Variants in ASMTL observed in about 807,000 individuals in gnomAD.
ASMTL encodes the protein acetylserotonin O-methyltransferase like, also known as probable bifunctional dTTP/UTP pyrophosphatase/methyltransferase protein.
Under a neutral mutation model 60.3 loss-of-function variants are expected in ASMTL, and 57 were observed. That is an observed-to-expected ratio of 0.95 (90% CI 0.76 to 1.18). The LOEUF (loss-of-function observed/expected upper bound fraction) is 1.18. Among genes scored for constraint, ASMTL ranks in the 50% most tolerant of loss-of-function variants. The probability of loss-of-function intolerance (pLI) is 0.00; values close to 1 mark genes in which losing one functional copy is unlikely to be tolerated. For missense variants in ASMTL, 981 were observed against 852.6 expected (o/e 1.15, Z -1.88); for synonymous variants, 419 against 373.0 (o/e 1.12, Z -1.42).
intron 3 of ASMTL, 111 bp from the exon 4 acceptor site, chrX:1,435,869 ACGTCCTGAGAGT>A (rs1159378451): frequency 1.1e-6 from 1 of 927,284 alleles, no homozygotes; most frequent in East Asian, 2.5e-5. Context: ...TGAAGCTGAC[ACGTCCTGAGAGT>A]CGCCATTTCA....
At position 1,427,766 on chromosome X, in the gene ASMTL, G is replaced by A; in HGVS notation, c.865C>T (p.Leu289=). ...AGCATAAAGCCCTCAATCAGCTCCAGGAGGCGTGTCGGGAACGGAGGCAGG... is the reference window on the plus strand; with the variant it reads ...AGCATAAAGCCCTCAATCAGCTCCAAGAGGCGTGTCGGGAACGGAGGCAGG... ...ETLPPFPTRL[L]ELIEGFMLSK... is the part of the protein sequence containing the mutation. Residue 289 remains leucine, a synonymous_variant, in exon 7 of 13, where the codon CTG becomes TTG. Transcript: ENST00000381317. 2 of 1,612,784 alleles carry A rather than the reference G, an allele frequency of 1.2e-6. No homozygotes were observed. The highest frequency in any genetic ancestry group is 2.2e-5 in the East Asian group (1 of 44,862).
intron 3 of ASMTL, among the ~76,000 whole-genome samples, chrX:1,437,472 G>A (rs1200647907): frequency 5.9e-5 from 9 of 151,542 alleles, no homozygotes; most frequent in Admixed American, 4.6e-4. Flanking sequence ...GCTTGGAGAC[G>A]CCGTCTTCCC....
intron 11 of ASMTL, among the ~76,000 whole-genome samples, chrX:1,415,809 C>T (rs781470842): frequency 2.0e-5 from 3 of 152,320 alleles, no homozygotes; most frequent in Admixed American, 2.0e-4. Flanking sequence ...TGTGGACCCG[C>T]AGAGAGACAC....
rs183517151 is a variant in ASMTL, at chrX:1,415,311, G to T, written c.1523-2457C>A. Among the ~76,000 whole-genome samples the T allele has an allele frequency of 1.0e-3, 154 of 152,182 alleles. 1 individual carries two copies. In the East Asian group the frequency reaches 0.027, roughly 26 times the overall value. On this transcript the variant is annotated intron_variant, in intron 11 of 12. Coordinates refer to ENST00000381317, the MANE Select transcript of ASMTL (RefSeq NM_004192.4). ...AAGGCCACACTGTGACGGCTCTCGG[G>T]TCAGTTCCTTCCGTGACCTCGGCAC...
rs2090806610 is a variant in ASMTL at position 1,432,090 on chromosome X, C to T, written c.509+179G>A. ...CCTGGGAGTTTGCCTCTTTGAGCCT[C>T]CATGGGTCAGTGTGGTCGTGAAGGG... On this transcript the variant is annotated intron_variant, in intron 6 of 12. Transcript: ENST00000381317. The T allele has an allele frequency of 1.1e-5, 7 of 615,914 alleles. No individual in the cohort carries two copies. The African/African-American group carries it at 1.3e-4, about 11-fold the overall frequency. The allele number at this position is 615,914 out of a possible 1,614,324, so 38.2% of individuals were successfully genotyped here.
In ASMTL at chrX:1,421,707, G is replaced by C. The variant is rs758913550; in HGVS notation, c.1196C>G (p.Thr399Arg). 6.2e-6 allele frequency: 10 copies of C among 1,613,802 alleles called. No individual in the cohort carries two copies. In the African/African-American group the frequency reaches 1.3e-4, roughly 22 times the overall value. The stretch of plus-strand genomic sequence containing the variant: ...CCCCAACGCCCTGTGGTGCTGGTTT[G>C]TTCCCTCTCGGATGGCAAACTCCAG... ...TYLEFAIREGTNQHHRALGKK... is the reference protein window; with the variant it reads ...TYLEFAIREGRNQHHRALGKK... Residue 399 changes from threonine to arginine, a missense_variant, in exon 9 of 13, where the codon ACA (threonine) becomes AGA (arginine). Physicochemically the swap from Thr to Arg is moderately conservative, Grantham distance 71 (BLOSUM62 -1). Coordinates refer to ENST00000381317, the MANE Select transcript of ASMTL (RefSeq NM_004192.4).
chrX:1,429,207 T>C (rs1461104682), intron 6 of ASMTL, among the ~76,000 whole-genome samples: 2 of 151,456 alleles, frequency 1.3e-5, no homozygotes, highest in Admixed American at 6.6e-5. Flanking sequence ...CTTTTCTCTT[T>C]CTTATTTTAT....
chrX:1,422,905 C>T lies in ASMTL; in HGVS notation c.1061-1063G>A, dbSNP rs1373625314. ...GAGTTGGAACAAGCTTGCATGGTGC[C>T]GGTGATGAAAAGCCTTTCTCCATAT... On this transcript the variant is annotated intron_variant, in intron 8 of 12. Transcript: ENST00000381317. 7.9e-5 allele frequency among the ~76,000 whole-genome samples: 12 copies of T among 152,110 alleles called. 1 individual carries two copies. Among genetic ancestry groups the T allele is most frequent in the Admixed American group, 1.3e-4 (2 of 15,274 alleles).
intron 6 of ASMTL, 30 bp from the exon 7 acceptor site, chrX:1,428,151 C>A: frequency 6.3e-7 from 1 of 1,575,540 alleles, no homozygotes; most frequent in Non-Finnish European, 8.6e-7. Flanking sequence ...TAAGAGGTGA[C>A]AAGGAGGAGA....
intron 9 of ASMTL, among the ~76,000 whole-genome samples, chrX:1,420,232 A>C (rs1296619276): frequency 6.9e-6 from 1 of 144,218 alleles, no homozygotes. Flanking sequence ...CTATCTCACT[A>C]TCTGTCTCCC....
rs185671052 is a variant in ASMTL, at chrX:1,444,980, G to A, written c.94-2663C>T. 8.6e-3 allele frequency among the ~76,000 whole-genome samples: 1,314 copies of A among 152,072 alleles called. 12 individuals are homozygous for A. Among genetic ancestry groups the A allele is most frequent in the Non-Finnish European group, 0.013 (889 of 67,992 alleles). On this transcript the variant is annotated intron_variant, in intron 1 of 12. Transcript: ENST00000381317. ...CCTTGCTTCGTCTTCCTCTCTCTTC[G>A]TCCGTCTTCTTCCCTCTTCTCTCTC... is the stretch of plus-strand genomic sequence containing the variant.
intron 1 of ASMTL, among the ~76,000 whole-genome samples, chrX:1,450,189 G>C (rs2091327776): frequency 1.3e-5 from 2 of 151,902 alleles, no homozygotes; most frequent in Non-Finnish European, 1.5e-5. Flanking sequence ...CCCATCACAA[G>C]TAACTATCCC....
intron 1 of ASMTL, among the ~76,000 whole-genome samples, chrX:1,444,662 G>A (rs1457265513): frequency 6.6e-6 from 1 of 152,082 alleles, no homozygotes; most frequent in Non-Finnish European, 1.5e-5. Flanking sequence ...TAGAGCCTCT[G>A]GCCCTCTGAC....
intron 5 of ASMTL, among the ~76,000 whole-genome samples, chrX:1,433,228 C>A (rs1181445166): frequency 6.6e-6 from 1 of 151,956 alleles, no homozygotes; most frequent in Non-Finnish European, 1.5e-5. Context: ...GGTGACAAGC[C>A]CCTTTCATCC....
Position 1,450,773 on chromosome X carries a change from T to C in ASMTL, c.93+1975A>G, listed in dbSNP as rs1362958418. On this transcript the variant is annotated intron_variant, in intron 1 of 12. Coordinates refer to ENST00000381317, the MANE Select transcript of ASMTL (RefSeq NM_004192.4). The stretch of plus-strand genomic sequence containing the variant: ...CATCCCTAGGGTTCCCGGGTTACTC[T>C]CCCCTCCCCCAACCCTAGGGGTCCC... Among the ~76,000 whole-genome samples the C allele has an allele frequency of 2.3e-5, 3 of 128,396 alleles. No individual in the cohort carries two copies. The East Asian group carries it at 7.8e-4, about 34-fold the overall frequency. 84.2% of individuals were successfully genotyped at this position (128,396 alleles called of 152,430 possible).
chrX:1,406,433 A>T (rs1368176973), intron 12 of ASMTL, among the ~76,000 whole-genome samples: 5 of 150,512 alleles, frequency 3.3e-5, no homozygotes, highest in Non-Finnish European at 7.4e-5. Context: ...GATGAGATGG[A>T]TGGAGGGATG....
At chrX:1,451,512 T>A (rs1258015537) in intron 1 of ASMTL, among the ~76,000 whole-genome samples, 1 of 112,650 alleles carries the variant, frequency 8.9e-6, no homozygotes, top group Admixed American at 8.4e-5. Context: ...GATCCCGGCT[T>A]ACTCTCCCCT....
chrX:1,439,896 C>G (rs1317861092), intron 2 of ASMTL, among the ~76,000 whole-genome samples: 2 of 150,434 alleles, frequency 1.3e-5, no homozygotes, highest in Non-Finnish European at 3.0e-5. Context: ...GTACTTAGGA[C>G]GATAAAACAA....
In ASMTL at chrX:1,413,748, G is replaced by C. The variant is rs1382251379; in HGVS notation, c.1523-894C>G. The C allele has an allele frequency of 2.0e-5, 3 of 152,536 alleles. No homozygotes were observed. In the East Asian group the frequency reaches 5.7e-4, roughly 29 times the overall value. 9.4% of individuals were successfully genotyped at this position (152,536 alleles called of 1,614,324 possible). On this transcript the variant is annotated intron_variant, in intron 11 of 12. Coordinates refer to ENST00000381317, the MANE Select transcript of ASMTL (RefSeq NM_004192.4). The stretch of plus-strand genomic sequence containing the variant: ...AGGGTGTCCCCTAAATCCAATGACA[G>C]GTGTCCTTCTAAGAGACAGAAGAGG...
Sources: gnomAD v4.1 joint callset for allele counts (sites outside exome capture counted in the v4.1 genomes callset) on GRCh38, gnomAD v4.1.1 for gene constraint, MANE v1.5 for transcripts, NCBI Gene and HGNC (gene_info 2026-07-23, HGNC 2026-07-21) for gene names.